Variants in AGBL4 observed in about 807,000 individuals in gnomAD.
The protein encoded by AGBL4 is cytosolic carboxypeptidase 6.
AGBL4 carries 58 observed loss-of-function variants against 66.4 expected under a neutral mutation model. That is an observed-to-expected ratio of 0.87 (90% confidence interval 0.71 to 1.09). AGBL4 has a LOEUF of 1.09. AGBL4 is among the 50% of genes least tolerant of loss of function. AGBL4 has a pLI of 0.00. For synonymous variants in AGBL4, 234 were observed against 222.9 expected (o/e 1.05, Z -0.44); for missense variants, 579 against 631.0 (o/e 0.92, Z 0.88).
chr1:49,953,645 CATTTCAG>C (rs1215556544), intron 1 of AGBL4, among the ~76,000 whole-genome samples: 6 of 151,502 alleles, frequency 4.0e-5, no homozygotes, highest in Non-Finnish European at 2.9e-5. Context: ...CTCAATGGAA[CATTTCAG>C]ATTTCAGATT....
At chr1:49,361,711 A>T (rs1238933889) in intron 3 of AGBL4, among the ~76,000 whole-genome samples, 2 of 152,138 alleles carry the variant, frequency 1.3e-5, no homozygotes, top group Non-Finnish European at 2.9e-5. Flanking sequence ...TTTAACAAAG[A>T]TATAGTCTTC....
intron 9 of AGBL4, among the ~76,000 whole-genome samples, chr1:48,603,527 G>T (rs142742667): frequency 6.6e-6 from 1 of 152,094 alleles, no homozygotes; most frequent in Non-Finnish European, 1.5e-5. Context: ...GGACACAGAG[G>T]GGGGTGAGGA....
intron 3 of AGBL4, among the ~76,000 whole-genome samples, chr1:49,630,143 T>A (rs1645543244): frequency 6.6e-6 from 1 of 152,100 alleles, no homozygotes; most frequent in African/African-American, 2.4e-5. Flanking sequence ...TAAACAGTAT[T>A]GAGTCCAGCT....
intron 6 of AGBL4, among the ~76,000 whole-genome samples, chr1:48,752,122 G>A (rs916794513): frequency 6.6e-6 from 1 of 152,142 alleles, no homozygotes; most frequent in Non-Finnish European, 1.5e-5. Flanking sequence ...GGGCCTCTTA[G>A]GCCTTACCTC....
intron 6 of AGBL4, among the ~76,000 whole-genome samples, chr1:48,791,082 A>T (rs956745718): frequency 3.3e-5 from 5 of 152,126 alleles, no homozygotes; most frequent in Admixed American, 3.3e-4. Context: ...TAAATTACCT[A>T]GTCTGTGGTA....
chr1:49,653,789 TAACA>T (rs982455444), intron 3 of AGBL4, among the ~76,000 whole-genome samples: 4 of 150,920 alleles, frequency 2.7e-5, no homozygotes, highest in African/African-American at 7.3e-5. Flanking sequence ...GAATGAAAAG[TAACA>T]AACAAAACCT....
At chr1:48,673,005 C>T (rs1238150041) in intron 6 of AGBL4, among the ~76,000 whole-genome samples, 1 of 152,066 alleles carries the variant, frequency 6.6e-6, no homozygotes, top group East Asian at 1.9e-4. Context: ...GTACGTTGCC[C>T]GGGGCTGCCA....
intron 5 of AGBL4, among the ~76,000 whole-genome samples, chr1:49,030,755 G>C (rs762226536): frequency 7.9e-5 from 12 of 151,170 alleles, no homozygotes; most frequent in Non-Finnish European, 1.3e-4. Flanking sequence ...AAAAGGTTGG[G>C]GACCGTTGGT....
At chr1:49,783,525 A>G (rs773619370) in intron 2 of AGBL4, among the ~76,000 whole-genome samples, 4 of 152,172 alleles carry the variant, frequency 2.6e-5, no homozygotes, top group Non-Finnish European at 5.9e-5. Context: ...AGCTTCTACT[A>G]AAAAGCCCAC....
intron 6 of AGBL4, among the ~76,000 whole-genome samples, chr1:48,670,470 G>C (rs2148466062): frequency 6.6e-6 from 1 of 152,366 alleles, no homozygotes; most frequent in African/African-American, 2.4e-5. Flanking sequence ...TGCCAGAGAA[G>C]TGAAGAAAAG....
intron 3 of AGBL4, among the ~76,000 whole-genome samples, chr1:49,675,535 A>G (rs1371850468): frequency 1.3e-5 from 2 of 152,012 alleles, no homozygotes; most frequent in African/African-American, 4.8e-5. Context: ...AAATCTACAC[A>G]TGTACCCCTT....
At chr1:49,277,933 T>C (rs1644202220) in intron 3 of AGBL4, among the ~76,000 whole-genome samples, 1 of 152,102 alleles carries the variant, frequency 6.6e-6, no homozygotes, top group South Asian at 2.1e-4. Flanking sequence ...TGATTTTTCG[T>C]TCTATTTTGT....
At chr1:49,595,874 A>C (rs183803672) in intron 3 of AGBL4, among the ~76,000 whole-genome samples, 64 of 152,268 alleles carry the variant, frequency 4.2e-4, no homozygotes, top group Admixed American at 1.6e-3. Flanking sequence ...CGCCAAATCA[A>C]ACGTTTTCCC....
chr1:49,642,295 G>A (rs1310248201), intron 3 of AGBL4, among the ~76,000 whole-genome samples: 1 of 151,934 alleles, frequency 6.6e-6, no homozygotes, highest in Non-Finnish European at 1.5e-5. Flanking sequence ...TGGAAGGTAG[G>A]CAACAAAGGA....
chr1:48,941,759 A>C (rs542763256), intron 5 of AGBL4, among the ~76,000 whole-genome samples: 1 of 152,344 alleles, frequency 6.6e-6, no homozygotes, highest in African/African-American at 2.4e-5. Context: ...ATTACAATAT[A>C]CAAGCTTGTT....
chr1:48,849,185 C>A (rs530541109), intron 6 of AGBL4, among the ~76,000 whole-genome samples: 1 of 152,194 alleles, frequency 6.6e-6, no homozygotes, highest in Non-Finnish European at 1.5e-5. Flanking sequence ...CTGACTAAGA[C>A]GAAAATGGCC....
intron 1 of AGBL4, among the ~76,000 whole-genome samples, chr1:49,983,190 G>C (rs1367585247): frequency 6.6e-6 from 1 of 151,946 alleles, no homozygotes; most frequent in Non-Finnish European, 1.5e-5. Flanking sequence ...CAACAAGAAG[G>C]AGAGAAGAGC....
chr1:49,108,136 G>A (rs778020259), intron 4 of AGBL4, among the ~76,000 whole-genome samples: 5 of 152,176 alleles, frequency 3.3e-5, no homozygotes, highest in Admixed American at 1.3e-4. Context: ...CTGTAAGAAC[G>A]TTGGGGCAGA....
At chr1:48,671,011 G>A (rs1646268265) in intron 6 of AGBL4, among the ~76,000 whole-genome samples, 1 of 152,232 alleles carries the variant, frequency 6.6e-6, no homozygotes, top group Admixed American at 6.5e-5. Context: ...GAGGAGGCAA[G>A]GGGGCTGGCC....
Sources: allele counts gnomAD v4.1 joint callset (sites outside exome capture counted in the v4.1 genomes callset), GRCh38; gene constraint gnomAD v4.1.1; transcripts MANE v1.5; gene names NCBI Gene and HGNC (gene_info 2026-07-23, HGNC 2026-07-21).